Variants in CSMD1 observed in about 807,000 individuals in gnomAD.
The protein encoded by CSMD1 is CUB and sushi domain-containing protein 1.
In CSMD1, 213 loss-of-function variants were observed where a neutral mutation model predicts 417.5. That is an observed-to-expected ratio of 0.51 (90% CI 0.46 to 0.57). The LOEUF is 0.57. Among genes scored for constraint, CSMD1 ranks in the 20% least tolerant of loss-of-function variants. CSMD1 has a pLI of 0.00. For synonymous variants in CSMD1, 2,862 were observed against 1,736.8 expected (o/e 1.65, Z -16.11); for missense variants, 6,923 against 4,529.7 (o/e 1.53, Z -15.17).
At chr8:4,398,145 G>T (rs1186679897) in intron 3 of CSMD1, among the ~76,000 whole-genome samples, 2 of 152,102 alleles carry the variant, frequency 1.3e-5, no homozygotes, top group African/African-American at 4.8e-5. Flanking sequence ...GTTTAGAGCA[G>T]GTGGTTCTAC....
At chr8:3,223,061 C>T (rs917308305) in intron 28 of CSMD1, among the ~76,000 whole-genome samples, 26 of 152,228 alleles carry the variant, frequency 1.7e-4, no homozygotes, top group African/African-American at 6.0e-4. Context: ...TCATTTAGTT[C>T]AAAAGTCAAA....
At chr8:4,243,878 C>G (rs1802544752) in intron 3 of CSMD1, among the ~76,000 whole-genome samples, 1 of 152,260 alleles carries the variant, frequency 6.6e-6, no homozygotes, top group African/African-American at 2.4e-5. Flanking sequence ...ATTTGTGGTT[C>G]CTGTTTTCTC....
intron 7 of CSMD1, among the ~76,000 whole-genome samples, chr8:3,675,163 G>A (rs926688023): frequency 1.3e-5 from 2 of 152,104 alleles, no homozygotes; most frequent in Non-Finnish European, 2.9e-5. Context: ...TTCTCCACAT[G>A]TCTTTCCCCA....
At chr8:3,875,715 G>C (rs375146569) in intron 5 of CSMD1, among the ~76,000 whole-genome samples, 17 of 152,144 alleles carry the variant, frequency 1.1e-4, no homozygotes, top group Admixed American at 3.3e-4. Context: ...GAATCTTCTC[G>C]AGTGGATTGA....
intron 5 of CSMD1, among the ~76,000 whole-genome samples, chr8:3,947,075 G>A (rs545211395): frequency 2.0e-5 from 3 of 152,104 alleles, no homozygotes; most frequent in Non-Finnish European, 4.4e-5. Context: ...ATGTTGAATA[G>A]TTGTAAAAGT....
intron 1 of CSMD1, among the ~76,000 whole-genome samples, chr8:4,963,411 C>A (rs143565898): frequency 1.3e-5 from 2 of 151,974 alleles, no homozygotes; most frequent in Non-Finnish European, 2.9e-5. Context: ...TGTTGACCAG[C>A]TTGGTCTCGA....
At chr8:4,332,917 C>G (rs1799957035) in intron 3 of CSMD1, among the ~76,000 whole-genome samples, 2 of 148,590 alleles carry the variant, frequency 1.3e-5, no homozygotes, top group African/African-American at 2.5e-5. Flanking sequence ...GGGTACTTTA[C>G]TATCACATTT....
At chr8:4,643,228 G>C (rs1053810659) in intron 1 of CSMD1, among the ~76,000 whole-genome samples, 2 of 152,160 alleles carry the variant, frequency 1.3e-5, no homozygotes, top group East Asian at 1.9e-4. Context: ...AACATCATTG[G>C]TGGAAAAATA....
At chr8:4,091,269 TAATC>T (rs950888738) in intron 3 of CSMD1, among the ~76,000 whole-genome samples, 3 of 152,108 alleles carry the variant, frequency 2.0e-5, no homozygotes, top group Non-Finnish European at 4.4e-5. Context: ...AAAAAAATAA[TAATC>T]TAATAAAATT....
At chr8:3,018,403 A>C (rs1317360880) in intron 52 of CSMD1, 74 bp downstream of exon 52, 2 of 1,377,314 alleles carry the variant, frequency 1.5e-6, no homozygotes, top group South Asian at 2.7e-5. Context: ...AAGAAGTCAT[A>C]TGTGTTACAC....
chr8:4,830,713 C>A (rs1379324), intron 1 of CSMD1, among the ~76,000 whole-genome samples: 1 of 152,054 alleles, frequency 6.6e-6, no homozygotes, highest in African/African-American at 2.4e-5. Context: ...TATTGCAACC[C>A]TGTGTCATTG....
intron 4 of CSMD1, among the ~76,000 whole-genome samples, chr8:4,014,121 T>C (rs781600993): frequency 3.9e-5 from 6 of 152,254 alleles, no homozygotes; most frequent in South Asian, 2.1e-4. Flanking sequence ...TAAAAAGAAA[T>C]GCAAGTATCA....
intron 2 of CSMD1, among the ~76,000 whole-genome samples, chr8:4,429,155 A>C (rs1043964933): frequency 1.3e-4 from 20 of 150,124 alleles, no homozygotes; most frequent in African/African-American, 4.9e-4. Flanking sequence ...TTGGATTATT[A>C]TATATAATAT....
At chr8:4,807,358 C>T (rs530409409) in intron 1 of CSMD1, among the ~76,000 whole-genome samples, 4 of 152,132 alleles carry the variant, frequency 2.6e-5, no homozygotes, top group Non-Finnish European at 5.9e-5. Flanking sequence ...CTATTCAGGG[C>T]AGTACTCTCC....
chr8:3,582,206 G>A (rs947112901), intron 9 of CSMD1, among the ~76,000 whole-genome samples: 2 of 152,208 alleles, frequency 1.3e-5, no homozygotes, highest in African/African-American at 4.8e-5. Flanking sequence ...ATTCCCTGTA[G>A]TCTGTTTTAG....
intron 3 of CSMD1, among the ~76,000 whole-genome samples, chr8:4,034,056 G>A (rs536618807): frequency 1.3e-5 from 2 of 152,118 alleles, no homozygotes; most frequent in Admixed American, 6.5e-5. Context: ...TTTCATGTCT[G>A]TATCCATTGT....
intron 3 of CSMD1, among the ~76,000 whole-genome samples, chr8:4,320,261 C>T (rs1799194043): frequency 6.6e-6 from 1 of 152,100 alleles, no homozygotes; most frequent in African/African-American, 2.4e-5. Flanking sequence ...AAATAAGACC[C>T]ACAACAAGTA....
At chr8:3,696,614 G>A (rs1011997826) in intron 7 of CSMD1, among the ~76,000 whole-genome samples, 3 of 152,134 alleles carry the variant, frequency 2.0e-5, no homozygotes, top group Non-Finnish European at 4.4e-5. Flanking sequence ...GAGCGCTTTG[G>A]AAGATTGAAA....
chr8:4,119,960 T>C (rs1802387092), intron 3 of CSMD1, among the ~76,000 whole-genome samples: 1 of 152,184 alleles, frequency 6.6e-6, no homozygotes, highest in South Asian at 2.1e-4. Flanking sequence ...TCAAAAAAAT[T>C]AGTTTAAAAG....
Sources: allele counts gnomAD v4.1 joint callset (sites outside exome capture counted in the v4.1 genomes callset), GRCh38; gene constraint gnomAD v4.1.1; transcripts MANE v1.5; gene names NCBI Gene and HGNC (gene_info 2026-07-23, HGNC 2026-07-21).